OTUD7A: variants seen among roughly 807,000 people sequenced by gnomAD.
OTUD7A encodes the protein OTU domain-containing protein 7A.
In OTUD7A, 12 loss-of-function variants were observed where a neutral mutation model predicts 65.7. The ratio of observed to expected loss-of-function variants is 0.18; its 90% CI spans 0.12 to 0.30. OTUD7A has a LOEUF of 0.30. Among genes scored for constraint, OTUD7A ranks in the 10% least tolerant of loss-of-function variants. The pLI is 1.00. For synonymous variants in OTUD7A, 641 were observed against 586.3 expected (o/e 1.09, Z -1.35); for missense variants, 1,148 against 1,304.8 (o/e 0.88, Z 1.85).
chr15:31,546,717 A>G (rs1409377754), intron 5 of OTUD7A, among the ~76,000 whole-genome samples: 1 of 152,248 alleles, frequency 6.6e-6, no homozygotes, highest in Non-Finnish European at 1.5e-5. Context: ...ACACCAAAAA[A>G]TCCATCAATA....
intron 1 of OTUD7A, among the ~76,000 whole-genome samples, chr15:31,664,073 T>C (rs961908017): frequency 6.6e-5 from 10 of 152,260 alleles, no homozygotes; most frequent in African/African-American, 2.2e-4. Flanking sequence ...CACTCATTGA[T>C]TGATGGCATT....
intron 1 of OTUD7A, among the ~76,000 whole-genome samples, chr15:31,699,173 G>A (rs1391093188): frequency 6.7e-6 from 1 of 149,912 alleles, no homozygotes; most frequent in Admixed American, 6.7e-5. Flanking sequence ...TCCACCTCCT[G>A]AGTTCATGCC....
intron 3 of OTUD7A, among the ~76,000 whole-genome samples, chr15:31,583,043 G>A (rs1405275983): frequency 1.3e-5 from 2 of 149,894 alleles, no homozygotes; most frequent in Admixed American, 6.6e-5. Context: ...GCAGTATGCT[G>A]GAAAGTGTGT....
At chr15:31,608,030 T>C (rs1000461540) in intron 3 of OTUD7A, among the ~76,000 whole-genome samples, 9 of 152,082 alleles carry the variant, frequency 5.9e-5, no homozygotes, top group Non-Finnish European at 1.0e-4. Context: ...AGGCGGATCA[T>C]GAGGTCAGGA....
At chr15:31,711,786 T>C (rs1033385197) in intron 1 of OTUD7A, among the ~76,000 whole-genome samples, 32 of 147,484 alleles carry the variant, frequency 2.2e-4, no homozygotes, top group Admixed American at 1.4e-4. Flanking sequence ...CTTTGATGTT[T>C]GTGTCATCTC....
intron 1 of OTUD7A, among the ~76,000 whole-genome samples, chr15:31,799,618 G>A (rs1056796964): frequency 6.6e-6 from 1 of 152,166 alleles, no homozygotes; most frequent in African/African-American, 2.4e-5. Context: ...CAAGAAGAGG[G>A]CCCTCATCAG....
chr15:31,693,113 G>T (rs1892994639), intron 1 of OTUD7A, among the ~76,000 whole-genome samples: 1 of 152,178 alleles, frequency 6.6e-6, no homozygotes, highest in Non-Finnish European at 1.5e-5. Flanking sequence ...CTCTGCCTCA[G>T]GCCTGCTGGT....
chr15:31,863,333 G>T (rs1897793996), intron 1 of OTUD7A, among the ~76,000 whole-genome samples: 1 of 152,200 alleles, frequency 6.6e-6, no homozygotes, highest in South Asian at 2.1e-4. Flanking sequence ...GGACTTGTGT[G>T]GGGGCTCTGA....
At chr15:31,715,154 G>C (rs571851579) in intron 1 of OTUD7A, among the ~76,000 whole-genome samples, 134 of 152,094 alleles carry the variant, frequency 8.8e-4, no homozygotes, top group African/African-American at 3.1e-3. Flanking sequence ...CAAAACAAAA[G>C]ATGTAAATTA....
At chr15:31,612,329 T>C (rs191186122) in intron 3 of OTUD7A, among the ~76,000 whole-genome samples, 78 of 152,258 alleles carry the variant, frequency 5.1e-4, no homozygotes, top group Non-Finnish European at 1.0e-3. Context: ...ATAAAAGGCA[T>C]CCAAATCGGT....
chr15:31,674,455 A>C (rs1181465793), intron 1 of OTUD7A, among the ~76,000 whole-genome samples: 1 of 152,250 alleles, frequency 6.6e-6, no homozygotes, highest in Non-Finnish European at 1.5e-5. Flanking sequence ...GGCAACGGGC[A>C]GGTGCTAGCC....
chr15:31,607,102 T>C (rs1890259529), intron 3 of OTUD7A, among the ~76,000 whole-genome samples: 1 of 152,224 alleles, frequency 6.6e-6, no homozygotes. Flanking sequence ...GTGAGGAATG[T>C]TAAGCTGAGA....
chr15:31,508,525 T>G (rs960824046), intron 8 of OTUD7A, among the ~76,000 whole-genome samples: 12 of 152,218 alleles, frequency 7.9e-5, no homozygotes, highest in African/African-American at 1.7e-4. Flanking sequence ...AATTTCTTTT[T>G]GTATTTTTAG....
chr15:31,725,607 C>T (rs1893862896), intron 1 of OTUD7A, among the ~76,000 whole-genome samples: 1 of 152,194 alleles, frequency 6.6e-6, no homozygotes, highest in South Asian at 2.1e-4. Flanking sequence ...TAAAACTGTT[C>T]ACTAATATCC....
At chr15:31,746,847 A>G (rs1016403282) in intron 1 of OTUD7A, among the ~76,000 whole-genome samples, 23 of 152,326 alleles carry the variant, frequency 1.5e-4, no homozygotes, top group African/African-American at 5.5e-4. Context: ...TAATTTTTAG[A>G]AAACTTGTTG....
chr15:31,500,568 C>T (rs1194979734), intron 10 of OTUD7A, among the ~76,000 whole-genome samples: 2 of 152,240 alleles, frequency 1.3e-5, no homozygotes, highest in South Asian at 2.1e-4. Flanking sequence ...ACGCTGGTGC[C>T]GCCTCTGGCG....
At position 31,808,136 on chromosome 15, in the gene OTUD7A, C is replaced by CACACACACAA. The variant is rs772574742; in HGVS notation, c.-100+62370_-100+62371insTTGTGTGTGT. ...ACACACACACACACACACACACACACAAACAAATCCTCACCAGGTTTTTCC... is the reference window on the plus strand; with the variant it reads ...ACACACACACACACACACACACACACACACACACAAAAACAAATCCTCACCAGGTTTTTCC... On this transcript the variant is annotated intron_variant, in intron 1 of 12. Transcript: ENST00000307050. Among the ~76,000 whole-genome samples the CACACACACAA allele has an allele frequency of 3.0e-3, 354 of 119,488 alleles. 2 individuals carry two copies. The highest frequency in any genetic ancestry group is 8.1e-3 in the African/African-American group (290 of 35,722). The allele number at this position is 119,488 out of a possible 152,430, so 78.4% of individuals were successfully genotyped here.
At chr15:31,787,043 T>C (rs1156409418) in intron 1 of OTUD7A, among the ~76,000 whole-genome samples, 1 of 152,204 alleles carries the variant, frequency 6.6e-6, no homozygotes, top group Non-Finnish European at 1.5e-5. Context: ...CTTTTTCTCA[T>C]CAAACAACAT....
At position 31,547,594 on chromosome 15, in the gene OTUD7A, A is replaced by G. The variant is rs139428793; in HGVS notation, c.550+11375T>C. Among the ~76,000 whole-genome samples the G allele has an allele frequency of 1.2e-4, 19 of 152,348 alleles. No homozygotes were observed. In the East Asian group the frequency reaches 3.1e-3, roughly 25 times the overall value. On this transcript the variant is annotated intron_variant, in intron 5 of 12. Transcript: ENST00000307050. ...TGACAATGCAATAGTGACTTAATGA[A>G]TATTTTTTGATCTTACGAGCTCTGT...
Sources: allele counts gnomAD v4.1 joint callset (sites outside exome capture counted in the v4.1 genomes callset), GRCh38; gene constraint gnomAD v4.1.1; transcripts MANE v1.5; gene names NCBI Gene and HGNC (gene_info 2026-07-23, HGNC 2026-07-21).